Variants in CRPPA observed in about 807,000 individuals in gnomAD.
CRPPA encodes the protein CDP-L-ribitol pyrophosphorylase A, also known as D-ribitol-5-phosphate cytidylyltransferase.
A neutral mutation model predicts 52.0 loss-of-function variants in CRPPA; 43 were observed. The ratio of observed to expected loss-of-function variants is 0.83; its 90% CI spans 0.65 to 1.07. CRPPA has a LOEUF of 1.07. CRPPA is among the 50% of genes least tolerant of loss of function. The pLI is 0.00. For missense variants in CRPPA, 629 were observed against 551.7 expected (o/e 1.14, Z -1.40); for synonymous variants, 250 against 203.5 (o/e 1.23, Z -1.94).
intron 9 of CRPPA, among the ~76,000 whole-genome samples, chr7:16,104,831 C>T (rs62442361): frequency 0.28 from 42,173 of 150,018 alleles, 7,305 homozygotes; most frequent in Admixed American, 0.39. Flanking sequence ...ACCTGGGAGG[C>T]GGAGGCTGCA....
intron 6 of CRPPA, among the ~76,000 whole-genome samples, chr7:16,274,514 C>G (rs901147986): frequency 6.6e-5 from 10 of 151,614 alleles, no homozygotes; most frequent in African/African-American, 2.4e-4. Flanking sequence ...AACAGGACAC[C>G]CAAAGTTCAG....
At chr7:16,136,484 T>C (rs1782764602) in intron 9 of CRPPA, among the ~76,000 whole-genome samples, 1 of 152,208 alleles carries the variant, frequency 6.6e-6, no homozygotes, top group Non-Finnish European at 1.5e-5. Flanking sequence ...AAACTATTCT[T>C]TTTGTGACAA....
intron 9 of CRPPA, among the ~76,000 whole-genome samples, chr7:16,093,688 T>G (rs2128361631): frequency 6.6e-6 from 1 of 152,306 alleles, no homozygotes; most frequent in African/African-American, 2.4e-5. Context: ...ACTATATATG[T>G]TTGGACTTAA....
intron 2 of CRPPA, among the ~76,000 whole-genome samples, chr7:16,399,563 C>G (rs535623364): frequency 1.2e-3 from 189 of 151,922 alleles, no homozygotes; most frequent in African/African-American, 4.2e-3. Context: ...AATGACATGA[C>G]ACGTTTGTGA....
At chr7:16,144,435 A>G (rs1007990680) in intron 9 of CRPPA, among the ~76,000 whole-genome samples, 1 of 152,156 alleles carries the variant, frequency 6.6e-6, no homozygotes, top group Non-Finnish European at 1.5e-5. Context: ...GTGGTGGGAA[A>G]AGTTGTAAGA....
intron 9 of CRPPA, among the ~76,000 whole-genome samples, chr7:16,126,535 T>A (rs1470913703): frequency 6.6e-6 from 1 of 152,152 alleles, no homozygotes; most frequent in African/African-American, 2.4e-5. Context: ...GTGTTGGTAT[T>A]TCAAAAAATT....
At chr7:16,139,449 A>G (rs528102812) in intron 9 of CRPPA, among the ~76,000 whole-genome samples, 39 of 152,142 alleles carry the variant, frequency 2.6e-4, no homozygotes, top group Non-Finnish European at 4.7e-4. Flanking sequence ...GATTCATTTG[A>G]TATTACGGGG....
chr7:16,258,444 C>T lies in CRPPA; in HGVS notation c.1065G>A (p.Leu355=). ...AAAGACTACTCTCTTCAAGCATGCT[C>T]AGTAACTTCTGGGTTTCTTGAAAAT... is the stretch of plus-strand genomic sequence containing the variant. The part of the protein sequence containing the change: ...TSDFQETQKL[L]SMLEESSLCI... The change falls in exon 8 of 10, where the codon CTG becomes CTA. Residue 355 remains leucine, a synonymous_variant. Transcript: ENST00000407010. 1 of 1,606,812 alleles carries T rather than the reference C, an allele frequency of 6.2e-7. No homozygotes were observed. The highest frequency in any genetic ancestry group is 8.5e-7 in the Non-Finnish European group (1 of 1,176,420).
chr7:16,209,383 T>C (rs557389188), intron 9 of CRPPA: 155 of 163,184 alleles, frequency 9.5e-4, no homozygotes, highest in Non-Finnish European at 1.6e-3. Context: ...GTGATTGTCT[T>C]GCTTCAGCCT....
intron 4 of CRPPA, among the ~76,000 whole-genome samples, chr7:16,305,447 C>G (rs1305607963): frequency 6.6e-6 from 1 of 152,236 alleles, no homozygotes; most frequent in Non-Finnish European, 1.5e-5. Context: ...GTAGAGCTCT[C>G]TACTTCCATT....
intron 3 of CRPPA, among the ~76,000 whole-genome samples, chr7:16,322,744 T>C (rs1785289172): frequency 6.6e-6 from 1 of 152,162 alleles, no homozygotes; most frequent in Admixed American, 6.5e-5. Context: ...TCCATATAAG[T>C]TCCACAACCG....
chr7:16,195,872 C>A (rs1364495519), intron 9 of CRPPA, among the ~76,000 whole-genome samples: 1 of 152,044 alleles, frequency 6.6e-6, no homozygotes, highest in East Asian at 1.9e-4. Flanking sequence ...GGCCAGATTC[C>A]TTTGTTCCTC....
intron 3 of CRPPA, among the ~76,000 whole-genome samples, chr7:16,362,753 G>A (rs1013118036): frequency 1.3e-5 from 2 of 152,128 alleles, no homozygotes; most frequent in African/African-American, 4.8e-5. Context: ...TAGCAGCTTA[G>A]AATATACTTA....
chr7:16,192,503 G>C (rs769022452), intron 9 of CRPPA, among the ~76,000 whole-genome samples: 11 of 152,088 alleles, frequency 7.2e-5, no homozygotes, highest in Non-Finnish European at 1.0e-4. Flanking sequence ...ACATACAACT[G>C]TATATCTGCC....
chr7:16,405,475 G>T (rs1787929883), intron 2 of CRPPA, among the ~76,000 whole-genome samples: 1 of 151,868 alleles, frequency 6.6e-6, no homozygotes, highest in Non-Finnish European at 1.5e-5. Context: ...CTCCAATTTA[G>T]ACTGCAAAAA....
intron 9 of CRPPA, among the ~76,000 whole-genome samples, chr7:16,168,565 A>G: frequency 6.6e-6 from 1 of 151,772 alleles, no homozygotes; most frequent in Non-Finnish European, 1.5e-5. Flanking sequence ...ACACACACAC[A>G]CACACACACA....
chr7:16,371,923 A>G (rs909983308), intron 3 of CRPPA, among the ~76,000 whole-genome samples: 1 of 152,188 alleles, frequency 6.6e-6, no homozygotes, highest in Admixed American at 6.5e-5. Flanking sequence ...AATGCAGTGG[A>G]AAGTTTCAAC....
intron 9 of CRPPA, among the ~76,000 whole-genome samples, chr7:16,170,326 G>C (rs1270936783): frequency 6.6e-6 from 1 of 152,174 alleles, no homozygotes; most frequent in Non-Finnish European, 1.5e-5. Context: ...TGGGCTCTTG[G>C]TTTCACTGAC....
At chr7:16,327,957 C>T (rs1785456431) in intron 3 of CRPPA, among the ~76,000 whole-genome samples, 1 of 152,048 alleles carries the variant, frequency 6.6e-6, no homozygotes, top group Non-Finnish European at 1.5e-5. Flanking sequence ...TTGTCTTTGC[C>T]CAAAGCTAAG....
Sources: gnomAD v4.1 joint callset for allele counts (sites outside exome capture counted in the v4.1 genomes callset) on GRCh38, gnomAD v4.1.1 for gene constraint, MANE v1.5 for transcripts, NCBI Gene and HGNC (gene_info 2026-07-23, HGNC 2026-07-21) for gene names.